CCDC175: variants seen among roughly 807,000 people sequenced by gnomAD.
CCDC175 encodes coiled-coil domain containing 175.
A neutral mutation model predicts 114.6 loss-of-function variants in CCDC175; 100 were observed. The ratio of observed to expected loss-of-function variants is 0.87; its 90% CI spans 0.74 to 1.03. The LOEUF (loss-of-function observed/expected upper bound fraction) is 1.03. CCDC175 is among the 50% of genes least tolerant of loss of function. CCDC175 has a pLI of 0.00. For synonymous variants in CCDC175, 306 were observed against 308.7 expected, an observed-to-expected ratio of 0.99 and a Z score of 0.09; for missense variants, 880 against 917.8, an observed-to-expected ratio of 0.96 and a Z score of 0.53.
At chr14:59,522,301 C>T (rs1893465466) in intron 16 of CCDC175, among the ~76,000 whole-genome samples, 1 of 152,178 alleles carries the variant, frequency 6.6e-6, no homozygotes, top group Admixed American at 6.5e-5. Flanking sequence ...ATAAACTATC[C>T]ATAAAAATCT....
In CCDC175 at chr14:59,572,674, T is replaced by C. The variant is rs58008943; in HGVS notation, c.355+28A>G. ...TCATTCTGTTATAAGATCAACTAAA[T>C]TTCTAGAGTTGATAACCTCAAAAGT... is the stretch of plus-strand genomic sequence containing the variant. On this transcript the variant is annotated intron_variant, in intron 3 of 19. Coordinates refer to ENST00000537690, the MANE Select transcript of CCDC175 (RefSeq NM_001164399.2). 7.5e-3 allele frequency: 9,233 copies of C among 1,224,860 alleles called. 516 individuals carry two copies. In the African/African-American group the frequency reaches 0.13, roughly 17 times the overall value. The allele number at this position is 1,224,860 out of a possible 1,614,324, so 75.9% of individuals were successfully genotyped here. A position where few individuals can be genotyped will look rare whatever the true frequency, so the allele number is the denominator to read the frequency against.
chr14:59,546,978 G>A (rs117582733), intron 8 of CCDC175, among the ~76,000 whole-genome samples: 1 of 152,126 alleles, frequency 6.6e-6, no homozygotes, highest in Non-Finnish European at 1.5e-5. Flanking sequence ...GGTGGCTCGT[G>A]CCTGTAATCC....
intron 7 of CCDC175, among the ~76,000 whole-genome samples, chr14:59,552,691 T>G (rs1319698238): frequency 2.6e-5 from 4 of 152,120 alleles, no homozygotes; most frequent in African/African-American, 4.8e-5. Flanking sequence ...AAATTCGAAC[T>G]CATCACAAAG....
chr14:59,537,210 T>C (rs1198263536), intron 13 of CCDC175, among the ~76,000 whole-genome samples: 4 of 152,210 alleles, frequency 2.6e-5, no homozygotes, highest in Non-Finnish European at 5.9e-5. Flanking sequence ...TACTTTCTTT[T>C]GGTTATTAAT....
intron 13 of CCDC175, among the ~76,000 whole-genome samples, chr14:59,532,745 A>C (rs1894144112): frequency 6.6e-6 from 1 of 152,116 alleles, no homozygotes. Context: ...TCCTTGACGC[A>C]CAGATGTTAG....
intron 17 of CCDC175, among the ~76,000 whole-genome samples, chr14:59,513,774 T>G (rs1892888897): frequency 6.6e-6 from 1 of 152,212 alleles, no homozygotes; most frequent in South Asian, 2.1e-4. Context: ...AGCAGAATCC[T>G]CTGCAGATTT....
intron 2 of CCDC175, 116 bp from the exon 3 acceptor site, chr14:59,572,929 T>C (rs1259074877): frequency 1.4e-5 from 8 of 567,366 alleles, no homozygotes; most frequent in South Asian, 5.5e-5. Context: ...ACTAAATATC[T>C]TCTGCCATTA....
At chr14:59,558,907 G>A (rs1391285591) in intron 7 of CCDC175, among the ~76,000 whole-genome samples, 1 of 152,100 alleles carries the variant, frequency 6.6e-6, no homozygotes, top group Non-Finnish European at 1.5e-5. Flanking sequence ...ACAAGTAAAG[G>A]ATCCTAAAAA....
At chr14:59,524,215 C>T (rs1468134515) in intron 16 of CCDC175, among the ~76,000 whole-genome samples, 1 of 152,086 alleles carries the variant, frequency 6.6e-6, no homozygotes, top group Non-Finnish European at 1.5e-5. Context: ...ACTCTATACA[C>T]TTTAAAAATA....
chr14:59,568,507 C>T, intron 3 of CCDC175, 127 bp from the exon 4 acceptor site: 1 of 721,080 alleles, frequency 1.4e-6, no homozygotes, highest in Non-Finnish European at 2.1e-6. Flanking sequence ...GCATTTCTTA[C>T]TCCCTTGGTC....
chr14:59,519,784 A>T (rs751749030), intron 17 of CCDC175, among the ~76,000 whole-genome samples: 4 of 152,184 alleles, frequency 2.6e-5, no homozygotes, highest in African/African-American at 4.8e-5. Context: ...CTCAACCATT[A>T]GCGTATTGTG....
At chr14:59,546,256 G>A (rs893883437) in intron 8 of CCDC175, among the ~76,000 whole-genome samples, 2 of 152,160 alleles carry the variant, frequency 1.3e-5, no homozygotes, top group African/African-American at 4.8e-5. Context: ...ATAAGTAGGA[G>A]CTAAATATTA....
At chr14:59,546,838 A>AAAAT (rs562518562) in intron 8 of CCDC175, among the ~76,000 whole-genome samples, 90 of 152,256 alleles carry the variant, frequency 5.9e-4, no homozygotes, top group African/African-American at 4.8e-4. Context: ...TCCTGTCTCA[A>AAAAT]AAATAAATAA....
chr14:59,552,523 CAG>C (rs1895585648), intron 7 of CCDC175, among the ~76,000 whole-genome samples: 2 of 152,306 alleles, frequency 1.3e-5, no homozygotes, highest in African/African-American at 4.8e-5. Context: ...GGGGAAAAAA[CAG>C]AGCAGAAAAG....
chr14:59,557,493 C>T (rs1422072897), intron 7 of CCDC175, among the ~76,000 whole-genome samples: 2 of 150,674 alleles, frequency 1.3e-5, no homozygotes, highest in South Asian at 2.1e-4. Context: ...GGAGGGATAG[C>T]ATTAGGAGAT....
At chr14:59,566,037 G>A (rs7150057) in intron 4 of CCDC175, among the ~76,000 whole-genome samples, 79,782 of 152,036 alleles carry the variant, frequency 0.52, 22,202 homozygotes, top group East Asian at 0.82. Flanking sequence ...CCTGCAGGCA[G>A]GGCCCAACAG....
At chr14:59,520,677 G>C (rs1000541955) in intron 17 of CCDC175, among the ~76,000 whole-genome samples, 2 of 152,136 alleles carry the variant, frequency 1.3e-5, no homozygotes, top group African/African-American at 4.8e-5. Flanking sequence ...GCTATAAAAA[G>C]GAGCAAACTA....
At chr14:59,522,962 T>C (rs895919345) in intron 16 of CCDC175, among the ~76,000 whole-genome samples, 3 of 151,036 alleles carry the variant, frequency 2.0e-5, no homozygotes, top group African/African-American at 4.9e-5. Context: ...ACTCAGTGCA[T>C]GTTTAGAGTA....
At chr14:59,520,006 G>A (rs139411215) in intron 17 of CCDC175, among the ~76,000 whole-genome samples, 231 of 152,312 alleles carry the variant, frequency 1.5e-3, no homozygotes, top group African/African-American at 5.2e-3. Context: ...TTCAGTTCCC[G>A]GCTGTTGAAT....
Sources: gnomAD v4.1 joint callset for allele counts (sites outside exome capture counted in the v4.1 genomes callset) on GRCh38, gnomAD v4.1.1 for gene constraint, MANE v1.5 for transcripts, NCBI Gene and HGNC (gene_info 2026-07-23, HGNC 2026-07-21) for gene names.